UNC5C: variants seen among roughly 807,000 people sequenced by gnomAD.
The protein encoded by UNC5C is netrin receptor UNC5C.
UNC5C carries 47 observed loss-of-function variants against 99.8 expected under a neutral mutation model. The observed-to-expected ratio is 0.47, with a 90% confidence interval of 0.37 to 0.60. UNC5C has a LOEUF of 0.60. Ranked by LOEUF, UNC5C falls within the 20% of genes least tolerant of loss-of-function variation. The pLI is 0.00. For missense variants in UNC5C, 1,062 were observed against 1,165.9 expected, an observed-to-expected ratio of 0.91 and a Z score of 1.30; for synonymous variants, 487 against 452.2, an observed-to-expected ratio of 1.08 and a Z score of -0.98.
chr4:95,296,963 G>A (rs1391521020), intron 3 of UNC5C, among the ~76,000 whole-genome samples: 1 of 152,180 alleles, frequency 6.6e-6, no homozygotes, highest in Admixed American at 6.5e-5. Context: ...GACGGTGAAA[G>A]TCTCAGCTTC....
At chr4:95,462,831 T>A (rs1000332642) in intron 1 of UNC5C, among the ~76,000 whole-genome samples, 3 of 152,152 alleles carry the variant, frequency 2.0e-5, no homozygotes, top group Admixed American at 1.3e-4. Flanking sequence ...ATTCTCTAGA[T>A]CCTTTGATTA....
chr4:95,348,631 A>G (rs1395536909), intron 1 of UNC5C, among the ~76,000 whole-genome samples: 3 of 149,330 alleles, frequency 2.0e-5, no homozygotes, highest in African/African-American at 7.4e-5. Flanking sequence ...ATAGTACTCC[A>G]TTGTGTATAT....
chr4:95,392,576 G>C (rs1745394311), intron 1 of UNC5C, among the ~76,000 whole-genome samples: 1 of 151,924 alleles, frequency 6.6e-6, no homozygotes, highest in Non-Finnish European at 1.5e-5. Context: ...GGGACTACAG[G>C]CATGCACCAC....
intron 12 of UNC5C, among the ~76,000 whole-genome samples, chr4:95,197,809 A>C (rs539228769): frequency 7.2e-5 from 11 of 152,220 alleles, no homozygotes; most frequent in African/African-American, 2.4e-4. Context: ...CTGGAAGTAG[A>C]AGTAGTGGGC....
chr4:95,450,069 T>C (rs1288195413), intron 1 of UNC5C, among the ~76,000 whole-genome samples: 1 of 152,248 alleles, frequency 6.6e-6, no homozygotes, highest in East Asian at 1.9e-4. Context: ...AGGAGAATTC[T>C]ATTTTATAAG....
At chr4:95,367,199 T>TG (rs1282873356) in intron 1 of UNC5C, among the ~76,000 whole-genome samples, 1 of 151,398 alleles carries the variant, frequency 6.6e-6, no homozygotes, top group African/African-American at 2.4e-5. Flanking sequence ...TTTTTTTTTT[T>TG]TTTTCAAAGA....
intron 1 of UNC5C, among the ~76,000 whole-genome samples, chr4:95,412,639 A>G (rs1388365038): frequency 6.6e-6 from 1 of 152,212 alleles, no homozygotes; most frequent in Admixed American, 6.5e-5. Flanking sequence ...CCCACAAAAA[A>G]ATTACTGATG....
chr4:95,341,504 A>AGG (rs10660524), intron 1 of UNC5C, among the ~76,000 whole-genome samples: 80,966 of 148,532 alleles, frequency 0.55, 24,991 homozygotes, highest in East Asian at 0.97. Flanking sequence ...AAGAAGAAAG[A>AGG]GAGAGAAAGA....
At chr4:95,325,401 G>T (rs1374114072) in intron 2 of UNC5C, among the ~76,000 whole-genome samples, 1 of 151,370 alleles carries the variant, frequency 6.6e-6, no homozygotes, top group Non-Finnish European at 1.5e-5. Flanking sequence ...TTAAAGAGTA[G>T]AAGGGGAGTA....
At chr4:95,236,972 CA>C (rs1739143861) in intron 7 of UNC5C, among the ~76,000 whole-genome samples, 1 of 152,148 alleles carries the variant, frequency 6.6e-6, no homozygotes, top group African/African-American at 2.4e-5. Context: ...ACACCAAAAT[CA>C]GAGATTGCTC....
At chr4:95,447,181 A>G (rs1416863674) in intron 1 of UNC5C, among the ~76,000 whole-genome samples, 2 of 152,166 alleles carry the variant, frequency 1.3e-5, no homozygotes, top group Admixed American at 1.3e-4. Context: ...TTAGAAATAC[A>G]TATATATGTA....
intron 1 of UNC5C, among the ~76,000 whole-genome samples, chr4:95,397,820 TGCAAA>T (rs1315264393): frequency 6.6e-6 from 1 of 152,172 alleles, no homozygotes; most frequent in African/African-American, 2.4e-5. Context: ...AAATTAACTG[TGCAAA>T]GCAAAGAGTA....
chr4:95,533,258 G>T (rs1014346624), intron 1 of UNC5C, among the ~76,000 whole-genome samples: 1 of 151,890 alleles, frequency 6.6e-6, no homozygotes, highest in Non-Finnish European at 1.5e-5. Flanking sequence ...AATTAGCTGG[G>T]CATGGTGGCG....
At chr4:95,177,664 G>T (rs1170413890) in intron 14 of UNC5C, among the ~76,000 whole-genome samples, 3 of 152,104 alleles carry the variant, frequency 2.0e-5, no homozygotes, top group African/African-American at 7.2e-5. Context: ...CATGGTATTT[G>T]TCCTCAAATA....
At chr4:95,543,385 A>G (rs1049714866) in intron 1 of UNC5C, among the ~76,000 whole-genome samples, 1 of 152,198 alleles carries the variant, frequency 6.6e-6, no homozygotes, top group African/African-American at 2.4e-5. Context: ...TTAAACAATA[A>G]GAGTTAGATG....
chr4:95,219,391 C>T, intron 8 of UNC5C, 78 bp from the exon 9 acceptor site: 1 of 1,397,604 alleles, frequency 7.2e-7, no homozygotes, highest in Non-Finnish European at 9.8e-7. Flanking sequence ...CCCCCTCACA[C>T]TTTCTGAGCC....
At chr4:95,210,376 C>A (rs1738036035) in intron 10 of UNC5C, among the ~76,000 whole-genome samples, 1 of 152,122 alleles carries the variant, frequency 6.6e-6, no homozygotes, top group African/African-American at 2.4e-5. Context: ...TTGCAAATAT[C>A]TGAGCATATA....
At chr4:95,493,774 C>T (rs1721564046) in intron 1 of UNC5C, among the ~76,000 whole-genome samples, 1 of 151,308 alleles carries the variant, frequency 6.6e-6, no homozygotes, top group South Asian at 2.1e-4. Flanking sequence ...CTTGTTTCAG[C>T]AGGTTTTGCA....
intron 1 of UNC5C, among the ~76,000 whole-genome samples, chr4:95,517,837 TA>T: frequency 6.6e-6 from 1 of 152,312 alleles, no homozygotes; most frequent in Middle Eastern, 3.4e-3. Context: ...AAACACGCTG[TA>T]AATTATGTTA....
Sources: gnomAD v4.1 joint callset for allele counts (sites outside exome capture counted in the v4.1 genomes callset) on GRCh38, gnomAD v4.1.1 for gene constraint, MANE v1.5 for transcripts, NCBI Gene and HGNC (gene_info 2026-07-23, HGNC 2026-07-21) for gene names.